CDH18: variants seen among roughly 807,000 people sequenced by gnomAD.
The protein encoded by CDH18 is cadherin-18.
In CDH18, 31 loss-of-function variants were observed where a neutral mutation model predicts 67.9. That is an observed-to-expected ratio of 0.46 (90% CI 0.34 to 0.62). The LOEUF (loss-of-function observed/expected upper bound fraction) is 0.62. Among genes scored for constraint, CDH18 ranks in the 20% least tolerant of loss-of-function variants. CDH18 has a pLI of 0.01. For missense variants in CDH18, 890 were observed against 975.5 expected (o/e 0.91, Z 1.17); for synonymous variants, 362 against 347.2 (o/e 1.04, Z -0.48).
At chr5:19,895,531 A>C (rs1561520694) in intron 2 of CDH18, among the ~76,000 whole-genome samples, 1 of 152,040 alleles carries the variant, frequency 6.6e-6, no homozygotes, top group Non-Finnish European at 1.5e-5. Context: ...AGAGAAATGA[A>C]AACTTATGTT....
chr5:19,631,982 C>A (rs1752485449), intron 5 of CDH18, among the ~76,000 whole-genome samples: 1 of 152,052 alleles, frequency 6.6e-6, no homozygotes, highest in East Asian at 1.9e-4. Flanking sequence ...TGCAATGAAA[C>A]CTTGGTTCCA....
intron 1 of CDH18, among the ~76,000 whole-genome samples, chr5:20,288,140 C>A (rs1746827364): frequency 6.6e-6 from 1 of 151,558 alleles, no homozygotes; most frequent in Non-Finnish European, 1.5e-5. Flanking sequence ...GCATAAATTC[C>A]TTTCTGCAAG....
intron 1 of CDH18, among the ~76,000 whole-genome samples, chr5:20,403,436 T>G (rs767633198): frequency 1.3e-5 from 2 of 152,100 alleles, no homozygotes; most frequent in Non-Finnish European, 2.9e-5. Flanking sequence ...TTTTGAATAA[T>G]AAAAAATTGA....
chr5:19,721,207 T>C (rs932080001), intron 5 of CDH18, 140 bp downstream of exon 5: 5 of 782,640 alleles, frequency 6.4e-6, no homozygotes, highest in Admixed American at 5.1e-5. Flanking sequence ...CATTACATTG[T>C]TTTAGAAAAA....
intron 5 of CDH18, among the ~76,000 whole-genome samples, chr5:19,637,128 C>CT (rs1753265302): frequency 6.6e-6 from 1 of 151,346 alleles, no homozygotes; most frequent in South Asian, 2.1e-4. Context: ...TTTCCTTTTT[C>CT]TTTCTCTTTC....
intron 5 of CDH18, among the ~76,000 whole-genome samples, chr5:19,626,316 T>A (rs1224604500): frequency 2.0e-5 from 3 of 152,076 alleles, no homozygotes; most frequent in African/African-American, 7.2e-5. Context: ...GGGCCTGAAG[T>A]CACTCAAGAA....
rs1358410904 is a variant in CDH18 at position 20,501,534 on chromosome 5, AT to A, written c.-580+73927del. ...TATATATTATATACATATTATATAT[AT>A]TATATACATATTATATATATAATAT... On this transcript the variant is annotated intron_variant, in intron 1 of 14. Transcript: ENST00000507958. Among the ~76,000 whole-genome samples the A allele has an allele frequency of 9.5e-3, 473 of 49,630 alleles. 11 individuals are homozygous for A. Among genetic ancestry groups the A allele is most frequent in the Middle Eastern group, 0.033 (3 of 92 alleles). The allele number at this position is 49,630 out of a possible 152,430, so 32.6% of individuals were successfully genotyped here.
In CDH18 at chr5:19,571,703, C is replaced by G; in HGVS notation, c.1129G>C (p.Val377Leu). Reference protein sequence around the residue: ...ATMLKIIVGDVDEPPLFSMPS... With the variant: ...ATMLKIIVGDLDEPPLFSMPS... Reference sequence around the variant, plus strand: ...ATGGAAAATAGTGGTGGTTCATCTACATCCCCAACAATGATCTTCAGCATA... The same window carrying G: ...ATGGAAAATAGTGGTGGTTCATCTAGATCCCCAACAATGATCTTCAGCATA... The change falls in exon 8 of 13, where the codon GTA becomes CTA. Residue 377 changes from valine to leucine, a missense_variant. By Grantham distance (32) the Val-to-Leu change is conservative. This residue lies in a region of CDH18 where 656 missense variants were observed against 668.1 expected (regional missense o/e 0.98). Coordinates refer to ENST00000382275, the MANE Select transcript of CDH18 (RefSeq NM_004934.5). 6.2e-7 allele frequency: 1 copy of G among 1,613,996 alleles called. No individual in the cohort carries two copies. Among genetic ancestry groups the G allele is most frequent in the African/African-American group, 1.3e-5 (1 of 75,036 alleles).
intron 2 of CDH18, among the ~76,000 whole-genome samples, chr5:20,228,320 C>T (rs529512041): frequency 6.6e-6 from 1 of 151,950 alleles, no homozygotes; most frequent in Non-Finnish European, 1.5e-5. Flanking sequence ...GTTTCATTTG[C>T]CTTCAAAGTC....
intron 5 of CDH18, among the ~76,000 whole-genome samples, chr5:19,720,446 A>C (rs1292482759): frequency 6.6e-6 from 1 of 152,122 alleles, no homozygotes; most frequent in African/African-American, 2.4e-5. Flanking sequence ...ACATCCTTAA[A>C]ATTTTAGAAA....
At chr5:19,841,669 T>G (rs572823967) in intron 2 of CDH18, among the ~76,000 whole-genome samples, 2 of 152,176 alleles carry the variant, frequency 1.3e-5, no homozygotes, top group East Asian at 3.9e-4. Context: ...TCACACCATT[T>G]GGTGTGATTT....
intron 10 of CDH18, among the ~76,000 whole-genome samples, chr5:19,518,049 T>C (rs1746311631): frequency 6.6e-6 from 1 of 152,036 alleles, no homozygotes; most frequent in Non-Finnish European, 1.5e-5. Flanking sequence ...TGTTAGGATG[T>C]ATGCATCCAT....
chr5:19,667,505 TATACACAC>T (rs911907629), intron 5 of CDH18, among the ~76,000 whole-genome samples: 1 of 127,520 alleles, frequency 7.8e-6, no homozygotes, highest in Non-Finnish European at 1.8e-5. Flanking sequence ...TATATATATA[TATACACAC>T]ACACACACAC....
chr5:19,692,356 T>A (rs1291019856), intron 5 of CDH18, among the ~76,000 whole-genome samples: 1 of 152,014 alleles, frequency 6.6e-6, no homozygotes, highest in Non-Finnish European at 1.5e-5. Context: ...CAACAGCACA[T>A]GAAACAAAAT....
At chr5:20,511,930 T>C (rs1755059058) in intron 1 of CDH18, among the ~76,000 whole-genome samples, 2 of 152,164 alleles carry the variant, frequency 1.3e-5, no homozygotes, top group South Asian at 4.1e-4. Flanking sequence ...TAACAATTTT[T>C]ATAAATTTAA....
chr5:20,098,376 T>C (rs986389202), intron 2 of CDH18, among the ~76,000 whole-genome samples: 28 of 152,068 alleles, frequency 1.8e-4, no homozygotes, highest in African/African-American at 6.8e-4. Flanking sequence ...GTGTAATAAT[T>C]ACCACAATCA....
intron 2 of CDH18, among the ~76,000 whole-genome samples, chr5:20,183,960 A>C (rs1737895789): frequency 6.6e-6 from 1 of 152,218 alleles, no homozygotes; most frequent in South Asian, 2.1e-4. Context: ...TGAAAGAATG[A>C]CTTACACGAA....
chr5:19,654,998 T>C (rs1490673451), intron 5 of CDH18, among the ~76,000 whole-genome samples: 1 of 152,084 alleles, frequency 6.6e-6, no homozygotes, highest in African/African-American at 2.4e-5. Context: ...GGAGTTTATA[T>C]GGGTACAGGA....
chr5:20,206,561 A>G (rs1208175822), intron 2 of CDH18, among the ~76,000 whole-genome samples: 1 of 151,996 alleles, frequency 6.6e-6, no homozygotes, highest in Non-Finnish European at 1.5e-5. Context: ...TTACTGGTGA[A>G]TACATATGTC....
Sources: allele counts gnomAD v4.1 joint callset (sites outside exome capture counted in the v4.1 genomes callset), GRCh38; gene constraint gnomAD v4.1.1; regional missense constraint gnomAD v4.1.1; transcripts MANE v1.5; gene names NCBI Gene and HGNC (gene_info 2026-07-23, HGNC 2026-07-21).